Variants in NOS2 observed in about 807,000 individuals in gnomAD.
The protein encoded by NOS2 is nitric oxide synthase 2.
In NOS2, 96 loss-of-function variants were observed where a neutral mutation model predicts 136.0. The observed-to-expected ratio is 0.71, with a 90% CI of 0.60 to 0.84. The LOEUF is 0.84. NOS2 is among the 40% of genes least tolerant of loss of function. The probability of loss-of-function intolerance (pLI) is 0.00; values close to 1 mark genes in which losing one functional copy is unlikely to be tolerated. For missense variants in NOS2, 1,237 were observed against 1,496.9 expected (o/e 0.83, Z 2.87); for synonymous variants, 539 against 587.5 (o/e 0.92, Z 1.20).
chr17:27,773,342 G>T, intron 12 of NOS2, 99 bp from the exon 13 acceptor site: 1 of 803,630 alleles, frequency 1.2e-6, no homozygotes. Flanking sequence ...CCCATCATGA[G>T]CCTGGGAGAG....
chr17:27,785,957 CAAAA>C lies in NOS2; in HGVS notation c.467+1717_467+1720del, dbSNP rs1170004221. 4.0e-4 allele frequency among the ~76,000 whole-genome samples: 16 copies of C among 39,802 alleles called. No homozygotes were observed. The South Asian group carries it at 6.8e-3, about 17-fold the overall frequency. 26.1% of individuals were successfully genotyped at this position (39,802 alleles called of 152,430 possible). A position where few individuals can be genotyped will look rare whatever the true frequency, so the allele number is the denominator to read the frequency against. On this transcript the variant is annotated intron_variant, in intron 5 of 26. Transcript: ENST00000313735. ...TGGGAGACAGAGCAAGACCGAGTCT[CAAAA>C]AAAAAAAAAAAAAAAAAAAAAAGAC...
At chr17:27,771,255 G>A (rs762122055) in intron 14 of NOS2, among the ~76,000 whole-genome samples, 5 of 152,172 alleles carry the variant, frequency 3.3e-5, no homozygotes, top group Non-Finnish European at 7.3e-5. Context: ...GGCAAGCCCT[G>A]GAAGATCTGT....
At chr17:27,780,700 G>A (rs553109496) in intron 9 of NOS2, 67 bp downstream of exon 9, 31 of 1,606,096 alleles carry the variant, frequency 1.9e-5, no homozygotes, top group Admixed American at 1.0e-4. Flanking sequence ...GGCTGGAGCC[G>A]CACTTAGGAA....
intron 1 of NOS2, among the ~76,000 whole-genome samples, chr17:27,799,519 T>C (rs1909462807): frequency 6.6e-6 from 1 of 152,252 alleles, no homozygotes; most frequent in Non-Finnish European, 1.5e-5. Flanking sequence ...AAACTCTGTC[T>C]TTAGAAGACA....
chr17:27,795,016 G>T (rs750497714), intron 2 of NOS2, among the ~76,000 whole-genome samples: 44 of 151,592 alleles, frequency 2.9e-4, no homozygotes, highest in Non-Finnish European at 3.8e-4. Flanking sequence ...GCCTGCCCAG[G>T]CACCTCTGCA....
At chr17:27,766,933 G>A (rs1012761718) in intron 18 of NOS2, among the ~76,000 whole-genome samples, 4 of 151,026 alleles carry the variant, frequency 2.6e-5, no homozygotes, top group Non-Finnish European at 2.9e-5. Flanking sequence ...GCCAGGAGAC[G>A]GAGGTTGCAG....
At chr17:27,789,373 T>C (rs1047915519) in intron 3 of NOS2, among the ~76,000 whole-genome samples, 5 of 152,178 alleles carry the variant, frequency 3.3e-5, no homozygotes, top group African/African-American at 1.2e-4. Context: ...AGAAGCTAGC[T>C]GTCAGTGCAC....
Position 27,782,117 on chromosome 17 carries a change from C to A in NOS2, c.631-11G>T. Reference sequence around the variant, plus strand: ...GCGGGCATCGAAGACCTGCAACAGCCCATCCAGACCATGCCCATCAAAGAC... The same window carrying A: ...GCGGGCATCGAAGACCTGCAACAGCACATCCAGACCATGCCCATCAAAGAC... On this transcript the variant is annotated splice_polypyrimidine_tract_variant and intron_variant, in intron 6 of 26. Transcript: ENST00000313735. 1 of 1,612,722 alleles carries A rather than the reference C, an allele frequency of 6.2e-7. No homozygotes were observed. The highest frequency in any genetic ancestry group is 1.1e-5 in the South Asian group (1 of 90,744).
At chr17:27,768,438 A>C (rs921813368) in intron 17 of NOS2, among the ~76,000 whole-genome samples, 13 of 152,110 alleles carry the variant, frequency 8.5e-5, no homozygotes, top group Non-Finnish European at 1.8e-4. Flanking sequence ...CCTGGTGTGG[A>C]GCCACATGGA....
At chr17:27,767,875 C>A (rs1294303637) in intron 17 of NOS2, 38 bp from the exon 18 acceptor site, 1 of 1,608,454 alleles carries the variant, frequency 6.2e-7, no homozygotes, top group Non-Finnish European at 8.5e-7. Context: ...TAATGGTCAG[C>A]AGCAGCAGCA....
rs748137500 is a variant in NOS2, at chr17:27,765,524, C to T, written c.2428+11G>A. On this transcript the variant is annotated intron_variant, in intron 20 of 26. Coordinates refer to ENST00000313735, the MANE Select transcript of NOS2 (RefSeq NM_000625.4). ...TGCCAGGCAGCACTGGCTTTCTAGC[C>T]CGGGGCTCACCACTCTCATCCAGGG... is the stretch of plus-strand genomic sequence containing the variant. 6.9e-6 allele frequency: 11 copies of T among 1,583,344 alleles called. No homozygotes were observed. In the South Asian group the frequency reaches 1.3e-4, roughly 18 times the overall value.
rs573137715 is a variant in NOS2, at chr17:27,797,133, C to G, written c.110+1567G>C. The stretch of plus-strand genomic sequence containing the variant: ...TTTCTGCCTCTGAGCCTCTGCTCAC[C>G]TCTCCCCTCTTCCTGAATGTCCTTG... On this transcript the variant is annotated intron_variant, in intron 2 of 26. Transcript: ENST00000313735. Among the ~76,000 whole-genome samples, 169 of 152,316 alleles carry G rather than the reference C, an allele frequency of 1.1e-3. 1 individual carries two copies. The highest frequency in any genetic ancestry group is 3.9e-3 in the African/African-American group (162 of 41,570).
chr17:27,792,399 A>C (rs1292643283), intron 2 of NOS2, among the ~76,000 whole-genome samples: 2 of 152,200 alleles, frequency 1.3e-5, no homozygotes, highest in Non-Finnish European at 2.9e-5. Flanking sequence ...CACATCTTCC[A>C]ACTTTTTACA....
chr17:27,779,002 G>T lies in NOS2; in HGVS notation c.1059C>A (p.Ala353=). The T allele has an allele frequency of 6.2e-7, 1 of 1,610,632 alleles. No individual in the cohort carries two copies. The highest frequency in any genetic ancestry group is 8.5e-7 in the Non-Finnish European group (1 of 1,177,720). The part of the protein sequence containing the change: ...ELKWYALPAV[A]NMLLEVGGLE... ...GGCCGCCCACCTCAAGCAGCATGTT[G>T]GCCACTGCAGGCAGGGCGTACCACT... Residue 353 remains alanine (A), a synonymous_variant, in exon 10 of 27, where the codon GCC becomes GCA. Coordinates refer to ENST00000313735, the MANE Select transcript of NOS2 (RefSeq NM_000625.4).
At chr17:27,772,259 C>A in intron 14 of NOS2, 49 bp downstream of exon 14, 2 of 1,609,442 alleles carry the variant, frequency 1.2e-6, no homozygotes, top group Admixed American at 1.7e-5. Flanking sequence ...TTCCTAGACT[C>A]CCCTGCACAC....
chr17:27,762,803 G>C lies in NOS2; in HGVS notation c.2795C>G (p.Thr932Ser). ...HLTVAVVTYH[T>S]RDGQGPLHHG... The stretch of plus-strand genomic sequence containing the variant: ...AGCCTCTGCCCCTGGCTCACCTCGG[G>C]TGTGGTAGGTGACCACGGCCACAGT... The change falls in exon 22 of 27, where the codon ACC becomes AGC. Residue 932 changes from threonine (T) to serine (S), a missense_variant. Transcript: ENST00000313735. 6.5e-7 allele frequency: 1 copy of C among 1,548,148 alleles called. No homozygotes were observed. Among genetic ancestry groups the C allele is most frequent in the Non-Finnish European group, 8.7e-7 (1 of 1,146,186 alleles).
intron 9 of NOS2, 96 bp from the exon 10 acceptor site, chr17:27,779,152 T>C (rs1353268248): frequency 1.6e-5 from 15 of 959,156 alleles, no homozygotes; most frequent in Non-Finnish European, 2.1e-5. Context: ...CTGTTGCTCA[T>C]GCTGGAGTGC....
chr17:27,762,819 C>G lies in NOS2; in HGVS notation c.2779G>C (p.Val927Leu). The change falls in exon 22 of 27, where the codon GTG becomes CTG. Residue 927 changes from valine (V) to leucine (L), a missense_variant. By Grantham distance (32) the Val-to-Leu change is conservative. Coordinates refer to ENST00000313735, the MANE Select transcript of NOS2 (RefSeq NM_000625.4). Reference sequence around the variant, plus strand: ...TCACCTCGGGTGTGGTAGGTGACCACGGCCACAGTCAGGTGGATCTCTGTG... The same window carrying G: ...TCACCTCGGGTGTGGTAGGTGACCAGGGCCACAGTCAGGTGGATCTCTGTG... ...TPTEIHLTVA[V>L]VTYHTRDGQG... 1 of 1,553,696 alleles carries G rather than the reference C, an allele frequency of 6.4e-7. No homozygotes were observed. Among genetic ancestry groups the G allele is most frequent in the Non-Finnish European group, 8.7e-7 (1 of 1,149,424 alleles).
chr17:27,767,448 G>A (rs541499849), intron 18 of NOS2, among the ~76,000 whole-genome samples: 63 of 152,336 alleles, frequency 4.1e-4, no homozygotes, highest in African/African-American at 1.2e-3. Context: ...CAGGAGCCCC[G>A]CACAGTGTCT....
Sources: gnomAD v4.1 joint callset for allele counts (sites outside exome capture counted in the v4.1 genomes callset) on GRCh38, gnomAD v4.1.1 for gene constraint, MANE v1.5 for transcripts, NCBI Gene and HGNC (gene_info 2026-07-23, HGNC 2026-07-21) for gene names.